Variants in TMPRSS9 observed in about 807,000 individuals in gnomAD.
The protein encoded by TMPRSS9 is transmembrane protease serine 9.
TMPRSS9 carries 113 observed loss-of-function variants against 111.4 expected under a neutral mutation model. The observed-to-expected ratio is 1.01, with a 90% confidence interval of 0.87 to 1.19. The LOEUF (loss-of-function observed/expected upper bound fraction) is 1.19. Among genes scored for constraint, TMPRSS9 ranks in the 50% most tolerant of loss-of-function variants. TMPRSS9 has a pLI of 0.00. For synonymous variants in TMPRSS9, 805 were observed against 659.1 expected (o/e 1.22, Z -3.39); for missense variants, 1,803 against 1,513.1 (o/e 1.19, Z -3.18).
chr19:2,389,218 C>A (rs994267014), upstream of TMPRSS9, among the ~76,000 whole-genome samples: 1 of 140,542 alleles, frequency 7.1e-6, no homozygotes. Context: ...GGATTACAGG[C>A]GCCCACCACC....
At position 2,415,660 on chromosome 19, in the gene TMPRSS9, C is replaced by G; in HGVS notation, c.1574-10C>G. 6.3e-7 allele frequency: 1 copy of G among 1,578,502 alleles called. No homozygotes were observed. The highest frequency in any genetic ancestry group is 8.6e-7 in the Non-Finnish European group (1 of 1,158,490). On this transcript the variant is annotated splice_polypyrimidine_tract_variant and intron_variant, in intron 10 of 17. Transcript: ENST00000648592. ...AGATCCCCAGACCTGGTCTTGTGTC[C>G]TCCTTCCAGAATGTGGGGCCAGGCC...
intron 7 of TMPRSS9, among the ~76,000 whole-genome samples, chr19:2,406,303 C>G (rs574133034): frequency 4.0e-5 from 6 of 150,060 alleles, no homozygotes; most frequent in Non-Finnish European, 8.8e-5. Context: ...CAGGCGTGAG[C>G]CACTGCGCCC....
At chr19:2,409,290 C>A (rs1338355865) in intron 8 of TMPRSS9, among the ~76,000 whole-genome samples, 1 of 151,382 alleles carries the variant, frequency 6.6e-6, no homozygotes, top group East Asian at 2.0e-4. Flanking sequence ...AGGCATGCAC[C>A]ACCACACCCG....
At chr19:2,360,722 A>G (rs191700336) in intron 1 of TMPRSS9, among the ~76,000 whole-genome samples, 929 of 74,976 alleles carry the variant, frequency 0.012, no homozygotes, top group African/African-American at 0.015. Flanking sequence ...GGCGGGGGTT[A>G]TGTGGACGCA....
intron 9 of TMPRSS9, among the ~76,000 whole-genome samples, chr19:2,412,899 G>A (rs1250305747): frequency 6.6e-6 from 1 of 152,078 alleles, no homozygotes; most frequent in Admixed American, 6.6e-5. Flanking sequence ...TCATGTTTAA[G>A]AATGTAAGAG....
upstream of TMPRSS9, among the ~76,000 whole-genome samples, chr19:2,388,553 G>C (rs902064288): frequency 6.6e-6 from 1 of 152,202 alleles, no homozygotes; most frequent in Admixed American, 6.6e-5. Context: ...CCCACAGCTC[G>C]ATGGTGAGCC....
chr19:2,382,096 C>T (rs1367378928), intron 1 of TMPRSS9, among the ~76,000 whole-genome samples: 1 of 152,188 alleles, frequency 6.6e-6, no homozygotes, highest in Non-Finnish European at 1.5e-5. Context: ...TTGCCTCAGC[C>T]TCCCAGACTG....
intron 15 of TMPRSS9, among the ~76,000 whole-genome samples, chr19:2,424,718 C>A (rs948347659): frequency 6.6e-6 from 1 of 152,178 alleles, no homozygotes. Flanking sequence ...CAGCTCTGGG[C>A]TCTGCAGGGC....
intron 1 of TMPRSS9, among the ~76,000 whole-genome samples, chr19:2,378,496 G>C (rs182576723): frequency 1.5e-3 from 228 of 151,088 alleles, no homozygotes; most frequent in African/African-American, 4.8e-3. Flanking sequence ...AAGGTGAGTG[G>C]ATCACAAGCC....
At chr19:2,361,148 T>C (rs1018481359) in intron 1 of TMPRSS9, among the ~76,000 whole-genome samples, 1 of 107,052 alleles carries the variant, frequency 9.3e-6, no homozygotes, top group Admixed American at 1.1e-4. Flanking sequence ...GGTGCAGGGC[T>C]GGGGTGGGAG....
chr19:2,426,041 C>G (rs376733365), exon 18 of TMPRSS9: 2 of 1,609,154 alleles, frequency 1.2e-6, no homozygotes, highest in East Asian at 2.2e-5. Context: ...TGTCTATACC[C>G]GGGTGGCAGC....
chr19:2,395,453 C>T (rs1484490305), intron 1 of TMPRSS9, among the ~76,000 whole-genome samples: 2 of 151,012 alleles, frequency 1.3e-5, no homozygotes, highest in South Asian at 2.1e-4. Flanking sequence ...AGGCCGGGCG[C>T]GGTGGCTCAT....
chr19:2,406,385 G>A (rs987491663), intron 7 of TMPRSS9, among the ~76,000 whole-genome samples: 1 of 151,212 alleles, frequency 6.6e-6, no homozygotes, highest in Non-Finnish European at 1.5e-5. Flanking sequence ...GGAGTGCAGT[G>A]GTGCGATCTC....
At chr19:2,368,016 C>T (rs1230314129) in intron 1 of TMPRSS9, among the ~76,000 whole-genome samples, 1 of 152,110 alleles carries the variant, frequency 6.6e-6, no homozygotes, top group Non-Finnish European at 1.5e-5. Context: ...TGGCTTTATC[C>T]ACTTACTTTT....
chr19:2,401,366 C>T (rs1970843777), intron 4 of TMPRSS9, among the ~76,000 whole-genome samples: 1 of 152,162 alleles, frequency 6.6e-6, no homozygotes, highest in Non-Finnish European at 1.5e-5. Flanking sequence ...TTAATAACCT[C>T]TGCTCCAGCG....
In TMPRSS9 at chr19:2,413,840, C is replaced by A. The variant is rs376254826; in HGVS notation, c.1395C>A (p.Ile465=). 5 of 1,613,766 alleles carry A rather than the reference C, an allele frequency of 3.1e-6. No individual in the cohort carries two copies. The South Asian group carries it at 4.4e-5, about 14-fold the overall frequency. The stretch of plus-strand genomic sequence containing the variant: ...GAGTCACCAGGCTACGTGACTGGAT[C>A]CTGGAGGCCACCACCAAAGCCAGCA... Residue 465 remains isoleucine, a synonymous_variant, in exon 10 of 18, where the codon ATC becomes ATA. Transcript: ENST00000648592.
At chr19:2,424,951 G>T in intron 15 of TMPRSS9, 51 bp from the exon 17 acceptor site, 21 of 1,409,268 alleles carry the variant, frequency 1.5e-5, no homozygotes, top group Non-Finnish European at 1.9e-5. Context: ...CAGGGGCGGG[G>T]GCCGGGGGCG....
chr19:2,424,534 G>GCCC (rs879741232), intron 15 of TMPRSS9, among the ~76,000 whole-genome samples: 39 of 134,212 alleles, frequency 2.9e-4, no homozygotes, highest in African/African-American at 1.2e-3. Context: ...GGAAGCTGCG[G>GCCC]CCCCCCCCCT....
At chr19:2,405,571 A>G (rs748773334) in intron 7 of TMPRSS9, 26 bp downstream of exon 8, 1 of 1,496,882 alleles carries the variant, frequency 6.7e-7, no homozygotes. Flanking sequence ...AAAGCACCAA[A>G]CCCGAACCCT....
Sources: allele counts gnomAD v4.1 joint callset (sites outside exome capture counted in the v4.1 genomes callset), GRCh38; gene constraint gnomAD v4.1.1; transcripts MANE v1.5; gene names NCBI Gene and HGNC (gene_info 2026-07-23, HGNC 2026-07-21).